Variants in SPINT4 observed in about 807,000 individuals in gnomAD.
SPINT4 encodes the protein serine peptidase inhibitor, Kunitz type 4.
SPINT4 carries 7 observed loss-of-function variants against 9.4 expected under a neutral mutation model. The observed-to-expected ratio is 0.74, with a 90% CI of 0.42 to 1.40. The LOEUF (loss-of-function observed/expected upper bound fraction) is 1.40, where lower values mean the gene tolerates loss of function less well. Ranked by LOEUF, SPINT4 falls within the 40% of genes most tolerant of loss-of-function variation. The pLI is 0.01. For missense variants in SPINT4, 105 were observed against 114.4 expected (o/e 0.92, Z 0.37); for synonymous variants, 36 against 39.9 (o/e 0.90, Z 0.37).
chr20:45,725,777 G>C lies in SPINT4; in HGVS notation c.*142G>C. The stretch of plus-strand genomic sequence containing the variant: ...TTGCTATTTTCCTGACCCTAGTTTT[G>C]TCTTTCCTGGAAATTAACTGTATGA... On this transcript the variant is annotated 3_prime_UTR_variant, in exon 3 of 3. Coordinates refer to ENST00000279058, the MANE Select transcript of SPINT4 (RefSeq NM_178455.3). 1 of 1,070,328 alleles carries C rather than the reference G, an allele frequency of 9.3e-7. No homozygotes were observed. The highest frequency in any genetic ancestry group is 1.4e-5 in the South Asian group (1 of 72,544). The allele number at this position is 1,070,328 out of a possible 1,614,324, so 66.3% of individuals were successfully genotyped here. A position where few individuals can be genotyped will look rare whatever the true frequency, so the allele number is the denominator to read the frequency against.
At position 45,725,762 on chromosome 20, in the gene SPINT4, C is replaced by A; in HGVS notation, c.*127C>A. ...TAAGCTTCCATATGTTTGCTATTTT[C>A]CTGACCCTAGTTTTGTCTTTCCTGG... On this transcript the variant is annotated 3_prime_UTR_variant, in exon 3 of 3. Transcript: ENST00000279058. 7.9e-7 allele frequency: 1 copy of A among 1,263,020 alleles called. No individual in the cohort carries two copies. Among genetic ancestry groups the A allele is most frequent in the Non-Finnish European group, 1.1e-6 (1 of 871,378 alleles). 78.2% of individuals were successfully genotyped at this position (1,263,020 alleles called of 1,614,324 possible). A position where few individuals can be genotyped will look rare whatever the true frequency, so the allele number is the denominator to read the frequency against.
intron 2 of SPINT4, among the ~76,000 whole-genome samples, chr20:45,724,966 T>G (rs1324276788): frequency 4.5e-5 from 2 of 43,982 alleles, no homozygotes; most frequent in Admixed American, 3.1e-4. Flanking sequence ...GGAGACAAAG[T>G]GAGACTCCAT....
chr20:45,723,877 C>A lies in SPINT4; in HGVS notation c.116-3C>A. 2 of 1,580,306 alleles carry A rather than the reference C, an allele frequency of 1.3e-6. No individual in the cohort carries two copies. The highest frequency in any genetic ancestry group is 1.7e-6 in the Non-Finnish European group (2 of 1,168,822). On this transcript the variant is annotated splice_polypyrimidine_tract_variant and splice_region_variant and intron_variant, in intron 1 of 2. Coordinates refer to ENST00000279058, the MANE Select transcript of SPINT4 (RefSeq NM_178455.3). ...ACTAACTCAATGGGAACCTCTCATG[C>A]AGATCCCTGCAAATTGGACATGAAT...
In SPINT4 at chr20:45,723,939, T is replaced by C. The variant is rs1984862590; in HGVS notation, c.175T>C (p.Tyr59His). Residue 59 changes from tyrosine (Y) to histidine (H), a missense_variant, in exon 2 of 3, where the codon TAC becomes CAC. By Grantham distance (83) the Tyr-to-His change is moderately conservative. Coordinates refer to ENST00000279058, the MANE Select transcript of SPINT4 (RefSeq NM_178455.3). The stretch of plus-strand genomic sequence containing the variant: ...CTATGAAGTTCACTTTAGATATTTC[T>C]ACAACAGAACCTCCAAAAGATGTGA... ...SCYEVHFRYF[Y>H]NRTSKRCETF... 6.2e-7 allele frequency: 1 copy of C among 1,607,644 alleles called. No homozygotes were observed. Among genetic ancestry groups the C allele is most frequent in the African/African-American group, 1.3e-5 (1 of 74,114 alleles).
chr20:45,725,570 GGGAGACCTTCAAAAACCT>G (rs1978358617), intron 2 of SPINT4, 41 bp from the exon 3 acceptor site: 1 of 1,602,672 alleles, frequency 6.2e-7, no homozygotes, highest in African/African-American at 1.3e-5. Flanking sequence ...CATTAATCCA[GGGAGACCTTCAAAAACCT>G]GTAACACCGA....
At chr20:45,723,021 T>C (rs232261) in intron 1 of SPINT4, among the ~76,000 whole-genome samples, 150,730 of 152,156 alleles carry the variant, frequency 0.99, 74,670 homozygotes, top group East Asian at 1. Context: ...GTCAGACACT[T>C]CAAGTTCTGG....
At chr20:45,724,636 G>A (rs1386797371) in intron 2 of SPINT4, among the ~76,000 whole-genome samples, 1 of 151,344 alleles carries the variant, frequency 6.6e-6, no homozygotes, top group Non-Finnish European at 1.5e-5. Context: ...CAATTACTGT[G>A]TGTCAGGCAC....
chr20:45,725,026 A>ATATATATC (rs759574144), intron 2 of SPINT4, among the ~76,000 whole-genome samples: 12 of 122,388 alleles, frequency 9.8e-5, no homozygotes, highest in Admixed American at 9.6e-5. Flanking sequence ...ATATATATAT[A>ATATATATC]TCAATAGATA....
At chr20:45,722,557 T>C (rs1014349218) in intron 1 of SPINT4, 75 bp downstream of exon 1, 2 of 1,096,850 alleles carry the variant, frequency 1.8e-6, no homozygotes, top group Non-Finnish European at 2.8e-6. Flanking sequence ...GAAAAGTGTG[T>C]TATCTAGGTA....
Position 45,725,286 on chromosome 20 carries a change from T to C in SPINT4, c.294-343T>C, listed in dbSNP as rs148170793. Among the ~76,000 whole-genome samples the C allele has an allele frequency of 6.9e-4, 105 of 151,790 alleles. 1 individual carries two copies. Among genetic ancestry groups the C allele is most frequent in the African/African-American group, 2.4e-3 (99 of 41,412 alleles). On this transcript the variant is annotated intron_variant, in intron 2 of 2. Transcript: ENST00000279058. The stretch of plus-strand genomic sequence containing the variant: ...CAGCCCATGCTTGACTATTTCCCAA[T>C]CATTGGAAATAGAAGGTCAATGGTG...
Position 45,722,364 on chromosome 20 carries a change from C to T in SPINT4, c.-4C>T. The T allele has an allele frequency of 6.3e-7, 1 of 1,599,228 alleles. No individual in the cohort carries two copies. The highest frequency in any genetic ancestry group is 8.6e-7 in the Non-Finnish European group (1 of 1,166,256). Reference sequence around the variant, plus strand: ...CAACTATCCTGCCTGCTGCTTGCTGCACCATGAAGTCTGCCAAGCTGGGAT... The same window carrying T: ...CAACTATCCTGCCTGCTGCTTGCTGTACCATGAAGTCTGCCAAGCTGGGAT... On this transcript the variant is annotated 5_prime_UTR_variant, in exon 1 of 3. Coordinates refer to ENST00000279058, the MANE Select transcript of SPINT4 (RefSeq NM_178455.3).
At chr20:45,725,015 T>TATACAC (rs1555809006) in intron 2 of SPINT4, among the ~76,000 whole-genome samples, 2 of 113,512 alleles carry the variant, frequency 1.8e-5, no homozygotes, top group Non-Finnish European at 3.5e-5. Context: ...TATATATATA[T>TATACAC]ATATATATAT....
Position 45,723,980 on chromosome 20 carries a change from C to T in SPINT4, c.216C>T (p.Ser72=), listed in dbSNP as rs749968216. The change falls in exon 2 of 3, where the codon TCC becomes TCT. Residue 72 remains serine (S), a synonymous_variant. Coordinates refer to ENST00000279058, the MANE Select transcript of SPINT4 (RefSeq NM_178455.3). ...AAAGATGTGAAACTTTTGTCTTCTC[C>T]GGCTGTAATGGCAACCTTAACAACT... is the stretch of plus-strand genomic sequence containing the variant. The part of the protein sequence containing the change: ...TSKRCETFVF[S]GCNGNLNNFK... The T allele has an allele frequency of 1.7e-5, 27 of 1,610,662 alleles. 1 individual carries two copies. Among genetic ancestry groups the T allele is most frequent in the Non-Finnish European group, 2.0e-5 (23 of 1,179,030 alleles).
At chr20:45,725,558 T>C in intron 2 of SPINT4, 71 bp from the exon 3 acceptor site, 1 of 1,560,314 alleles carries the variant, frequency 6.4e-7, no homozygotes, top group South Asian at 1.1e-5. Context: ...AAAAATGACC[T>C]GCATTAATCC....
intron 1 of SPINT4, 92 bp from the exon 2 acceptor site, chr20:45,723,788 T>C: frequency 9.3e-7 from 1 of 1,071,394 alleles, no homozygotes; most frequent in Middle Eastern, 2.1e-4. Flanking sequence ...AGTTCCAGGC[T>C]AAACGTAGGA....
At chr20:45,723,440 G>C (rs1984849469) in intron 1 of SPINT4, among the ~76,000 whole-genome samples, 1 of 136,340 alleles carries the variant, frequency 7.3e-6, no homozygotes, top group African/African-American at 3.1e-5. Context: ...AAATTTTGAA[G>C]TATAGGTAGT....
At chr20:45,723,436 T>C (rs6017665) in intron 1 of SPINT4, among the ~76,000 whole-genome samples, 70,451 of 151,494 alleles carry the variant, frequency 0.47, 18,009 homozygotes, top group African/African-American at 0.68. Flanking sequence ...ACTTAAATTT[T>C]GAAGTATAGG....
intron 2 of SPINT4, among the ~76,000 whole-genome samples, chr20:45,725,261 C>A (rs73908195): frequency 0.014 from 2,174 of 151,564 alleles, 58 homozygotes; most frequent in African/African-American, 0.051. Flanking sequence ...ACTAAGCTCC[C>A]AGCCCATGCT....
At position 45,724,075 on chromosome 20, in the gene SPINT4, G is replaced by A; in HGVS notation, c.293+18G>A. The A allele has an allele frequency of 6.3e-7, 1 of 1,587,600 alleles. No individual in the cohort carries two copies. The highest frequency in any genetic ancestry group is 8.5e-7 in the Non-Finnish European group (1 of 1,171,404). On this transcript the variant is annotated intron_variant, in intron 2 of 2. Transcript: ENST00000279058. ...AAACCACCGTAAGGAATCTAATCCT[G>A]TCCTTGGTCCTTGGGGGTAGTAAAA...
Sources: allele counts gnomAD v4.1 joint callset (sites outside exome capture counted in the v4.1 genomes callset), GRCh38; gene constraint gnomAD v4.1.1; transcripts MANE v1.5; gene names NCBI Gene and HGNC (gene_info 2026-07-23, HGNC 2026-07-21).